The following PDZD2 variants were observed in gnomAD, a reference collection of about 807,000 sequenced individuals.
The protein encoded by PDZD2 is PDZ domain-containing protein 2.
A neutral mutation model predicts 220.7 loss-of-function variants in PDZD2; 90 were observed. That is an observed-to-expected ratio of 0.41 (90% CI 0.34 to 0.49). PDZD2 has a LOEUF of 0.49. Ranked by LOEUF, PDZD2 falls within the 20% of genes least tolerant of loss-of-function variation. The pLI is 0.28. For missense variants in PDZD2, 3,174 were observed against 3,608.5 expected, an observed-to-expected ratio of 0.88 and a Z score of 3.08; for synonymous variants, 1,375 against 1,450.5, an observed-to-expected ratio of 0.95 and a Z score of 1.18.
chr5:32,072,564 C>G (rs1036746293), intron 17 of PDZD2, among the ~76,000 whole-genome samples: 3 of 152,180 alleles, frequency 2.0e-5, no homozygotes, highest in Non-Finnish European at 1.5e-5. Flanking sequence ...AACCCCATCT[C>G]TACTAAAAAT....
At chr5:32,029,037 G>T (rs145029141) in intron 6 of PDZD2, among the ~76,000 whole-genome samples, 1 of 152,104 alleles carries the variant, frequency 6.6e-6, no homozygotes, top group Non-Finnish European at 1.5e-5. Context: ...GCTGGAAAAA[G>T]ATTGTGTTTT....
intron 1 of PDZD2, among the ~76,000 whole-genome samples, chr5:31,753,275 C>T (rs149096891): frequency 1.3e-3 from 203 of 152,228 alleles, no homozygotes; most frequent in African/African-American, 4.3e-3. Context: ...ATGAGGGGCA[C>T]GGATGCAGGT....
chr5:31,779,373 CTTTTT>C (rs58290929), intron 1 of PDZD2, among the ~76,000 whole-genome samples: 1 of 106,666 alleles, frequency 9.4e-6, no homozygotes, highest in East Asian at 2.4e-4. Context: ...TTGTGAATCT[CTTTTT>C]TTTTTTTTTT....
At chr5:32,054,695 T>G (rs1418730795) in intron 10 of PDZD2, among the ~76,000 whole-genome samples, 2 of 152,184 alleles carry the variant, frequency 1.3e-5, no homozygotes, top group Non-Finnish European at 2.9e-5. Flanking sequence ...AGACAAGTGC[T>G]TCTGAATGCA....
At chr5:31,910,539 C>G (rs1016933776) in intron 2 of PDZD2, among the ~76,000 whole-genome samples, 2 of 151,512 alleles carry the variant, frequency 1.3e-5, no homozygotes, top group Non-Finnish European at 2.9e-5. Flanking sequence ...TACAGGCACT[C>G]ACCACTACCC....
At chr5:31,699,597 A>C (rs977582856) in intron 1 of PDZD2, among the ~76,000 whole-genome samples, 1 of 151,612 alleles carries the variant, frequency 6.6e-6, no homozygotes, top group Non-Finnish European at 1.5e-5. Context: ...TTGTTTATTT[A>C]TTTGTTTTAT....
chr5:31,901,303 A>G (rs1233364590), intron 2 of PDZD2, among the ~76,000 whole-genome samples: 1 of 151,946 alleles, frequency 6.6e-6, no homozygotes, highest in East Asian at 1.9e-4. Context: ...CTGTAATCCC[A>G]CCTACCCAGG....
At chr5:31,694,579 C>A (rs181147588) in intron 1 of PDZD2, among the ~76,000 whole-genome samples, 13 of 152,072 alleles carry the variant, frequency 8.5e-5, no homozygotes, top group Non-Finnish European at 1.9e-4. Context: ...AGATGCTTCA[C>A]GAGATGCTGA....
At chr5:32,079,775 C>T (rs1192532698) in intron 19 of PDZD2, among the ~76,000 whole-genome samples, 1 of 152,014 alleles carries the variant, frequency 6.6e-6, no homozygotes, top group Admixed American at 6.6e-5. Context: ...CGAGCCATTG[C>T]ACTCCAGCCT....
At chr5:32,039,823 C>T (rs1351139215) in intron 7 of PDZD2, among the ~76,000 whole-genome samples, 1 of 150,996 alleles carries the variant, frequency 6.6e-6, no homozygotes, top group Non-Finnish European at 1.5e-5. Context: ...GCGCCTCTGC[C>T]TGGCCGCCCC....
chr5:31,926,787 A>G (rs1744817968), intron 2 of PDZD2, among the ~76,000 whole-genome samples: 1 of 152,196 alleles, frequency 6.6e-6, no homozygotes, highest in Non-Finnish European at 1.5e-5. Context: ...TCTCAGCACT[A>G]GTCACAATGG....
intron 10 of PDZD2, among the ~76,000 whole-genome samples, chr5:32,055,180 CAG>C (rs1332033311): frequency 6.6e-6 from 1 of 152,044 alleles, no homozygotes; most frequent in East Asian, 1.9e-4. Context: ...AACACACACA[CAG>C]GTATATACAT....
At chr5:31,641,454 C>T (rs1240147007) in intron 1 of PDZD2, among the ~76,000 whole-genome samples, 2 of 152,038 alleles carry the variant, frequency 1.3e-5, no homozygotes, top group African/African-American at 4.8e-5. Context: ...TGAGTTAGGA[C>T]TCAGTGCTAA....
chr5:31,811,669 G>A (rs1468467255), intron 2 of PDZD2, among the ~76,000 whole-genome samples: 5 of 152,084 alleles, frequency 3.3e-5, no homozygotes, highest in African/African-American at 1.2e-4. Flanking sequence ...AACTATTATG[G>A]GGTCGAGGGG....
At chr5:32,042,654 G>A (rs10039073) in intron 7 of PDZD2, among the ~76,000 whole-genome samples, 73,316 of 152,056 alleles carry the variant, frequency 0.48, 18,475 homozygotes, top group South Asian at 0.56. Context: ...GCGGTGTTAC[G>A]CTTGAACGAG....
chr5:31,834,741 G>A (rs1161084882), intron 2 of PDZD2, among the ~76,000 whole-genome samples: 1 of 151,720 alleles, frequency 6.6e-6, no homozygotes, highest in African/African-American at 2.4e-5. Context: ...TTGTGGGGTG[G>A]GGGGAAGGGG....
intron 1 of PDZD2, among the ~76,000 whole-genome samples, chr5:31,684,750 A>G (rs754957419): frequency 1.3e-5 from 2 of 151,860 alleles, no homozygotes; most frequent in Non-Finnish European, 2.9e-5. Flanking sequence ...TTGTTTCGTG[A>G]TGTGTGAACT....
chr5:31,876,748 T>C (rs1220477410), intron 2 of PDZD2, among the ~76,000 whole-genome samples: 1 of 152,222 alleles, frequency 6.6e-6, no homozygotes, highest in Admixed American at 6.5e-5. Flanking sequence ...CACAATTACA[T>C]AAATTTCCCT....
intron 1 of PDZD2, among the ~76,000 whole-genome samples, chr5:31,749,450 G>A (rs1300245637): frequency 6.9e-6 from 1 of 145,698 alleles, no homozygotes; most frequent in South Asian, 2.2e-4. Flanking sequence ...TTGAGATGGA[G>A]TTTTGCTCTT....
Sources: gnomAD v4.1 joint callset for allele counts (sites outside exome capture counted in the v4.1 genomes callset) on GRCh38, gnomAD v4.1.1 for gene constraint, MANE v1.5 for transcripts, NCBI Gene and HGNC (gene_info 2026-07-23, HGNC 2026-07-21) for gene names.